The following SLC27A3 variants were observed in gnomAD, a reference collection of about 807,000 sequenced individuals.
SLC27A3 encodes the protein long-chain fatty acid transport protein 3.
In SLC27A3, 60 loss-of-function variants were observed where a neutral mutation model predicts 60.1. That is an observed-to-expected ratio of 1.00 (90% CI 0.81 to 1.24). The LOEUF is 1.24. SLC27A3 is among the 50% of genes most tolerant of loss of function. The pLI is 0.00. For synonymous variants in SLC27A3, 455 were observed against 409.0 expected (o/e 1.11, Z -1.36); for missense variants, 1,079 against 929.9 (o/e 1.16, Z -2.09).
In SLC27A3 at chr1:153,776,005, GT is replaced by G; in HGVS notation, c.509del (p.Val170GlyfsTer66). 1 of 1,451,860 alleles carries G rather than the reference GT, an allele frequency of 6.9e-7. No individual in the cohort carries two copies. 89.9% of individuals were successfully genotyped at this position (1,451,860 alleles called of 1,614,324 possible). A position where few individuals can be genotyped will look rare whatever the true frequency, so the allele number is the denominator to read the frequency against. ...AAAPLSPGAT[V>X]ALLLPAGPEF... ...CGCCCCTCTGTCACCTGGAGCAACT[GT>G]GGCGCTGCTCCTCCCCGCTGGCCCA... On this transcript the variant is annotated frameshift_variant, in exon 1 of 10. Coordinates refer to ENST00000624995, the MANE Select transcript of SLC27A3 (RefSeq NM_024330.4). LOFTEE classifies it high-confidence loss of function.
chr1:153,777,375 C>T, intron 3 of SLC27A3, 155 bp downstream of exon 3: 2 of 895,680 alleles, frequency 2.2e-6, no homozygotes, highest in African/African-American at 3.3e-5. Context: ...ATGTCACCTG[C>T]CTAGACCTAC....
Position 153,776,088 on chromosome 1 carries a change from GC to G in SLC27A3, c.594del (p.Thr199ProfsTer37). ...AGGCCGGCCTGCGCACTGCCTTTGT[GC>G]CCACCGCCCTGCGCCGGGGCCCCCT... is the stretch of plus-strand genomic sequence containing the variant. ...AKAGLRTAFV[P>X]TALRRGPLLH... On this transcript the variant is annotated frameshift_variant, in exon 1 of 10. Transcript: ENST00000624995. LOFTEE classifies it high-confidence loss of function. 2 of 1,484,432 alleles carry G rather than the reference GC, an allele frequency of 1.3e-6. No homozygotes were observed. The highest frequency in any genetic ancestry group is 2.7e-5 in the South Asian group (2 of 73,990). 92.0% of individuals were successfully genotyped at this position (1,484,432 alleles called of 1,614,324 possible).
Position 153,776,737 on chromosome 1 carries a change from G to A in SLC27A3, c.877+10G>A, listed in dbSNP as rs180688000. 2.3e-4 allele frequency: 374 copies of A among 1,613,618 alleles called. 1 individual carries two copies. The Admixed American group carries it at 2.6e-3, about 11-fold the overall frequency. On this transcript the variant is annotated intron_variant, in intron 2 of 9. Coordinates refer to ENST00000624995, the MANE Select transcript of SLC27A3 (RefSeq NM_024330.4). ...ACCTCTGGCACCACGGGTGAGGGCC[G>A]GGCACCATACTTAGCTCCCCGAAAC...
In SLC27A3 at chr1:153,778,694, A is replaced by G. The variant is rs1380321300; in HGVS notation, c.1455A>G (p.Pro485=). The G allele has an allele frequency of 2.5e-6, 4 of 1,612,764 alleles. No individual in the cohort carries two copies. Among genetic ancestry groups the G allele is most frequent in the Admixed American group, 1.7e-5 (1 of 60,014 alleles). Residue 485 remains proline (P), a synonymous_variant, in exon 7 of 10, where the codon CCA becomes CCG. Coordinates refer to ENST00000624995, the MANE Select transcript of SLC27A3 (RefSeq NM_024330.4). ...GHCMATSPGE[P]GLLVAPVSQQ... is the part of the protein sequence containing the mutation. Reference sequence around the variant, plus strand: ...CCCTGGTGACTCTGCCAGGTGAGCCAGGGCTGCTGGTGGCCCCGGTAAGCC... The same window carrying G: ...CCCTGGTGACTCTGCCAGGTGAGCCGGGGCTGCTGGTGGCCCCGGTAAGCC...
At position 153,777,185 on chromosome 1, in the gene SLC27A3, G is replaced by A; in HGVS notation, c.1001G>A (p.Gly334Asp). The A allele has an allele frequency of 1.9e-6, 3 of 1,614,242 alleles. No homozygotes were observed. Among genetic ancestry groups the A allele is most frequent in the Non-Finnish European group, 2.5e-6 (3 of 1,180,038 alleles). Residue 334 changes from glycine (G) to aspartate (D), a missense_variant, in exon 3 of 10, where the codon GGT becomes GAT. Transcript: ENST00000624995. ...GCCCTCCCACTCTACCACATGTCCG[G>A]TTCCCTGCTGGGCATCGTGGGCTGC... ...YLALPLYHMSGSLLGIVGCMG... is the reference protein window; with the variant it reads ...YLALPLYHMSDSLLGIVGCMG...
At chr1:153,776,269 C>A in intron 1 of SLC27A3, 105 bp downstream of exon 1, 1 of 1,416,716 alleles carries the variant, frequency 7.1e-7, no homozygotes, top group Non-Finnish European at 9.2e-7. Context: ...GGGAAGAAGC[C>A]GACTATCCCT....
rs201459909 is a variant in SLC27A3 at position 153,775,502 on chromosome 1, C to T, written c.5C>T (p.Ala2Val). Reference sequence around the variant, plus strand: ...CCGATAGAGGAAGCGGGCTCCATGGCTGCCCTCCTGCTGCTGCCCCTGCTG... The same window carrying T: ...CCGATAGAGGAAGCGGGCTCCATGGTTGCCCTCCTGCTGCTGCCCCTGCTG... M[A>V]ALLLLPLLLL... The change falls in exon 1 of 10, where the codon GCT (alanine) becomes GTT (valine). Residue 2 changes from alanine (A) to valine (V), a missense_variant. Transcript: ENST00000624995. 1.5e-5 allele frequency: 25 copies of T among 1,613,254 alleles called. No homozygotes were observed. The East Asian group carries it at 5.3e-4, about 35-fold the overall frequency.
At position 153,777,229 on chromosome 1, in the gene SLC27A3, C is replaced by T. The variant is rs773781590; in HGVS notation, c.1036+9C>T. ...GGGCTGCATGGGCATTGGTCAGTCT[C>T]CCCAACCCCACCTTCATTAATTCAT... On this transcript the variant is annotated intron_variant, in intron 3 of 9. Coordinates refer to ENST00000624995, the MANE Select transcript of SLC27A3 (RefSeq NM_024330.4). 6.2e-7 allele frequency: 1 copy of T among 1,614,064 alleles called. No homozygotes were observed. Among genetic ancestry groups the T allele is most frequent in the Non-Finnish European group, 8.5e-7 (1 of 1,179,906 alleles).
chr1:153,777,071 A>G lies in SLC27A3; in HGVS notation c.887A>G (p.Lys296Arg), dbSNP rs762542422. Residue 296 changes from lysine to arginine, a missense_variant, in exon 3 of 10, where the codon AAG (lysine) becomes AGG (arginine). Physicochemically the swap from Lys to Arg is conservative, Grantham distance 26 (BLOSUM62 2). Coordinates refer to ENST00000624995, the MANE Select transcript of SLC27A3 (RefSeq NM_024330.4). ...IFTSGTTGLP[K>R]AARISHLKIL... ...AACTGCCACCCCACAGGCCTCCCCA[A>G]GGCTGCTCGGATCAGTCATCTGAAG... The G allele has an allele frequency of 4.3e-6, 7 of 1,614,150 alleles. No homozygotes were observed. In the South Asian group the frequency reaches 6.6e-5, roughly 15 times the overall value.
rs1160368100 is a variant in SLC27A3 at position 153,779,892 on chromosome 1, C to G, written c.1942C>G (p.Pro648Ala). ...KVRMANEGFDPSTLSDPLYVL... is the reference protein window; with the variant it reads ...KVRMANEGFDASTLSDPLYVL... ...TCGGATGGCAAATGAGGGCTTCGACCCCAGCACCCTGTCTGACCCACTGTA... is the reference window on the plus strand; with the variant it reads ...TCGGATGGCAAATGAGGGCTTCGACGCCAGCACCCTGTCTGACCCACTGTA... Residue 648 changes from proline to alanine, a missense_variant, in exon 10 of 10, where the codon CCC (proline) becomes GCC (alanine). Coordinates refer to ENST00000624995, the MANE Select transcript of SLC27A3 (RefSeq NM_024330.4). 3 of 1,614,078 alleles carry G rather than the reference C, an allele frequency of 1.9e-6. No individual in the cohort carries two copies. The Admixed American group carries it at 5.0e-5, about 27-fold the overall frequency.
At position 153,776,181 on chromosome 1, in the gene SLC27A3, G is replaced by A. The variant is rs766214385; in HGVS notation, c.667+17G>A. On this transcript the variant is annotated intron_variant, in intron 1 of 9. Coordinates refer to ENST00000624995, the MANE Select transcript of SLC27A3 (RefSeq NM_024330.4). The stretch of plus-strand genomic sequence containing the variant: ...TGGCGCCAGGTAAGGCTGGAGCTCC[G>A]AACTGACTAAGGCGGGGCCAGCCAC... 8.4e-5 allele frequency: 118 copies of A among 1,412,484 alleles called. No individual in the cohort carries two copies. The highest frequency in any genetic ancestry group is 1.1e-4 in the Non-Finnish European group (116 of 1,093,644). The allele number at this position is 1,412,484 out of a possible 1,614,324, so 87.5% of individuals were successfully genotyped here.
Position 153,778,524 on chromosome 1 carries a change from C to A in SLC27A3, c.1418C>A (p.Pro473His). The A allele has an allele frequency of 1.2e-6, 2 of 1,614,168 alleles. No individual in the cohort carries two copies. The highest frequency in any genetic ancestry group is 2.2e-5 in the South Asian group (2 of 91,092). The change falls in exon 6 of 10, where the codon CCC becomes CAC. Residue 473 changes from proline to histidine, a missense_variant. Coordinates refer to ENST00000624995, the MANE Select transcript of SLC27A3 (RefSeq NM_024330.4). Reference protein sequence around the residue: ...DVTTGEPIRDPQGHCMATSPG... With the variant: ...DVTTGEPIRDHQGHCMATSPG... ...ACCACAGGAGAGCCAATTCGGGACC[C>A]CCAGGGGCACTGTATGGCCACATCT...
In SLC27A3 at chr1:153,778,497, T is replaced by G. The variant is rs368706417; in HGVS notation, c.1391T>G (p.Val464Gly). The part of the protein sequence containing the change: ...IFPFSLIRYD[V>G]TTGEPIRDPQ... The stretch of plus-strand genomic sequence containing the variant: ...CCCTTCTCCTTGATTCGCTATGATG[T>G]CACCACAGGAGAGCCAATTCGGGAC... Residue 464 changes from valine (V) to glycine (G), a missense_variant, in exon 6 of 10, where the codon GTC becomes GGC. Coordinates refer to ENST00000624995, the MANE Select transcript of SLC27A3 (RefSeq NM_024330.4). 8.7e-6 allele frequency: 14 copies of G among 1,614,192 alleles called. No individual in the cohort carries two copies. The highest frequency in any genetic ancestry group is 1.2e-5 in the Non-Finnish European group (14 of 1,180,024).
At position 153,777,873 on chromosome 1, in the gene SLC27A3, C is replaced by G. The variant is rs765164511; in HGVS notation, c.1149C>G (p.Val383=). 1 of 1,614,200 alleles carries G rather than the reference C, an allele frequency of 6.2e-7. No individual in the cohort carries two copies. Among genetic ancestry groups the G allele is most frequent in the Admixed American group, 1.7e-5 (1 of 60,030 alleles). ...TTGGGGAGCTGTGCCGATACCTTGT[C>G]AACCAGCCCCCGGTGCGTGGGCACA... ...QYIGELCRYL[V]NQPPSKAERG... is the part of the protein sequence containing the mutation. Residue 383 remains valine (V), a synonymous_variant, in exon 4 of 10, where the codon GTC becomes GTG. Transcript: ENST00000624995.
rs753608758 is a variant in SLC27A3, at chr1:153,775,568, C to T, written c.71C>T (p.Pro24Leu). 1.2e-6 allele frequency: 2 copies of T among 1,610,246 alleles called. No individual in the cohort carries two copies. The highest frequency in any genetic ancestry group is 1.7e-6 in the Non-Finnish European group (2 of 1,179,516). Reference protein sequence around the residue: ...PLLLLKLHLWPQLRWLPADLA... With the variant: ...PLLLLKLHLWLQLRWLPADLA... ...CTGCTGCTGAAGCTACACCTCTGGC[C>T]GCAGTTGCGCTGGCTTCCGGCGGAC... The change falls in exon 1 of 10, where the codon CCG becomes CTG. Residue 24 changes from proline to leucine, a missense_variant. Transcript: ENST00000624995.
At position 153,778,835 on chromosome 1, in the gene SLC27A3, C is replaced by G. The variant is rs145965895; in HGVS notation, c.1596C>G (p.Cys532Trp). ...VFFNTGDLLV[C>W]DDQGFLRFHD... is the part of the protein sequence containing the mutation. ...TCAACACTGGGGACCTGCTGGTCTG[C>G]GATGACCAAGGTTTTCTCCGCTTCC... The change falls in exon 7 of 10, where the codon TGC becomes TGG. Residue 532 changes from cysteine to tryptophan, a missense_variant. By Grantham distance (215) the Cys-to-Trp change is radical. Coordinates refer to ENST00000624995, the MANE Select transcript of SLC27A3 (RefSeq NM_024330.4). 2.1e-4 allele frequency: 331 copies of G among 1,614,132 alleles called. No homozygotes were observed. In the East Asian group the frequency reaches 7.0e-3, roughly 34 times the overall value.
In SLC27A3 at chr1:153,777,932, T is replaced by C. The variant is rs1265848134; in HGVS notation, c.1161+47T>C. The C allele has an allele frequency of 1.9e-6, 3 of 1,613,052 alleles. No homozygotes were observed. In the East Asian group the frequency reaches 6.7e-5, roughly 36 times the overall value. ...GCAGAGCTGCTGACACAGGGCTAGC[T>C]CACGGGGAGCAGGACAGTTGACAGG... On this transcript the variant is annotated intron_variant, in intron 4 of 9. Coordinates refer to ENST00000624995, the MANE Select transcript of SLC27A3 (RefSeq NM_024330.4).
In SLC27A3 at chr1:153,775,530, G is replaced by C; in HGVS notation, c.33G>C (p.Leu11=). The C allele has an allele frequency of 6.2e-7, 1 of 1,612,874 alleles. No homozygotes were observed. Among genetic ancestry groups the C allele is most frequent in the Non-Finnish European group, 8.5e-7 (1 of 1,179,996 alleles). Residue 11 remains leucine (L), a synonymous_variant, in exon 1 of 10, where the codon CTG becomes CTC. Coordinates refer to ENST00000624995, the MANE Select transcript of SLC27A3 (RefSeq NM_024330.4). MAALLLLPLL[L]LLPLLLLKLH... ...CCCTCCTGCTGCTGCCCCTGCTGCT[G>C]TTGCTACCGCTGCTGCTGCTGAAGC... is the stretch of plus-strand genomic sequence containing the variant.
chr1:153,775,747 CTCAT>C lies in SLC27A3; in HGVS notation c.254_257del (p.Ile85ThrfsTer26). The C allele has an allele frequency of 6.6e-7, 1 of 1,513,846 alleles. No homozygotes were observed. The highest frequency in any genetic ancestry group is 1.3e-5 in the South Asian group (1 of 75,814). The allele number at this position is 1,513,846 out of a possible 1,614,324, so 93.8% of individuals were successfully genotyped here. A position where few individuals can be genotyped will look rare whatever the true frequency, so the allele number is the denominator to read the frequency against. ...CCAGCAGCGCGCCGCGCACACCTTTCTCATTCACGGCTCGCGGCGCTTTAGCTAC... is the reference window on the plus strand; with the variant it reads ...CCAGCAGCGCGCCGCGCACACCTTTCTCACGGCTCGCGGCGCTTTAGCTAC... On this transcript the variant is annotated frameshift_variant, in exon 1 of 10. Coordinates refer to ENST00000624995, the MANE Select transcript of SLC27A3 (RefSeq NM_024330.4). LOFTEE classifies it high-confidence loss of function.
Sources: allele counts gnomAD v4.1 joint callset, GRCh38; gene constraint gnomAD v4.1.1; transcripts MANE v1.5; gene names NCBI Gene and HGNC (gene_info 2026-07-23, HGNC 2026-07-21).